The following AKAP8 variants were observed in gnomAD, a reference collection of about 807,000 sequenced individuals.
The protein encoded by AKAP8 is A-kinase anchor protein 8.
AKAP8 carries 24 observed loss-of-function variants against 67.5 expected under a neutral mutation model. That is an observed-to-expected ratio of 0.36 (90% confidence interval 0.26 to 0.50). The LOEUF (loss-of-function observed/expected upper bound fraction) is 0.50, where lower values mean the gene tolerates loss of function less well. Among genes scored for constraint, AKAP8 ranks in the 20% least tolerant of loss-of-function variants. The pLI is 0.97. For missense variants in AKAP8, 971 were observed against 955.9 expected, an observed-to-expected ratio of 1.02 and a Z score of -0.21; for synonymous variants, 400 against 371.1, an observed-to-expected ratio of 1.08 and a Z score of -0.90.
intron 5 of AKAP8, 76 bp downstream of exon 5, chr19:15,372,775 A>G: frequency 1.4e-6 from 2 of 1,445,476 alleles, no homozygotes; most frequent in Non-Finnish European, 1.8e-6. Context: ...GAATGTTGAG[A>G]TGGGGAAATT....
intron 2 of AKAP8, among the ~76,000 whole-genome samples, chr19:15,375,157 C>A (rs1967230581): frequency 6.6e-6 from 1 of 152,222 alleles, no homozygotes; most frequent in Non-Finnish European, 1.5e-5. Flanking sequence ...TGAGTCAGAT[C>A]TCAGGCTCAG....
In AKAP8 at chr19:15,376,894, T is replaced by A. The variant is rs934616839; in HGVS notation, c.58+82A>T. 5.9e-6 allele frequency: 9 copies of A among 1,532,366 alleles called. No individual in the cohort carries two copies. The African/African-American group carries it at 1.1e-4, about 19-fold the overall frequency. 94.9% of individuals were successfully genotyped at this position (1,532,366 alleles called of 1,614,324 possible). A position where few individuals can be genotyped will look rare whatever the true frequency, so the allele number is the denominator to read the frequency against. ...CTGACCCCTGGGCTACTACTCTCCC[T>A]TGACCCAAGTTCAGCTCTGCCATGC... is the stretch of plus-strand genomic sequence containing the variant. On this transcript the variant is annotated intron_variant, in intron 2 of 13. Transcript: ENST00000269701.
chr19:15,366,530 C>CTTT (rs920471999), intron 9 of AKAP8, among the ~76,000 whole-genome samples: 1 of 142,502 alleles, frequency 7.0e-6, no homozygotes. Context: ...CAGTGATTTT[C>CTTT]TTTTTTTTTT....
At chr19:15,366,969 G>A (rs758058981) in intron 9 of AKAP8, among the ~76,000 whole-genome samples, 8 of 152,124 alleles carry the variant, frequency 5.3e-5, no homozygotes, top group South Asian at 4.1e-4. Flanking sequence ...GTGCAGTGGT[G>A]CAACCTTGGC....
chr19:15,363,390 G>A (rs1175464552), intron 9 of AKAP8, among the ~76,000 whole-genome samples: 19 of 136,202 alleles, frequency 1.4e-4, no homozygotes, highest in South Asian at 4.9e-4. Context: ...CAGCCGCCCC[G>A]TCCGGGAAGT....
chr19:15,365,456 G>A (rs1967053214), intron 9 of AKAP8, among the ~76,000 whole-genome samples: 1 of 152,174 alleles, frequency 6.6e-6, no homozygotes, highest in South Asian at 2.1e-4. Context: ...CTCCCTCCCT[G>A]GCTCTCTCCT....
intron 4 of AKAP8, among the ~76,000 whole-genome samples, 182 bp from the exon 5 acceptor site, chr19:15,373,522 C>A (rs1261583239): frequency 6.6e-6 from 1 of 152,130 alleles, no homozygotes; most frequent in African/African-American, 2.4e-5. Context: ...GAGCAGGGGA[C>A]AGAGCCCCTG....
At chr19:15,363,353 T>TGGGG (rs745575610) in intron 9 of AKAP8, among the ~76,000 whole-genome samples, 5 of 105,012 alleles carry the variant, frequency 4.8e-5, no homozygotes, top group Admixed American at 1.8e-4. Context: ...GGGAGGGAGG[T>TGGGG]GGGGGGGGGT....
At chr19:15,375,214 G>C (rs8105619) in intron 2 of AKAP8, among the ~76,000 whole-genome samples, 121,459 of 152,198 alleles carry the variant, frequency 0.8, 48,729 homozygotes, top group East Asian at 0.99. Context: ...TGGCAGAAAG[G>C]AGAAAGCCTC....
At chr19:15,359,432 T>C (rs1184761960) in intron 12 of AKAP8, among the ~76,000 whole-genome samples, 1 of 152,238 alleles carries the variant, frequency 6.6e-6, no homozygotes, top group African/African-American at 2.4e-5. Context: ...AACAAAAGTA[T>C]GAATATGCTG....
Position 15,379,278 on chromosome 19 carries a change from C to T in AKAP8, c.19+435G>A, listed in dbSNP as rs185932582. ...CCGCCCGCGGCCCCAGACCCAGCTC[C>T]CCGGGTCCGACCTCACAACCCCACG... On this transcript the variant is annotated intron_variant, in intron 1 of 13. Coordinates refer to ENST00000269701, the MANE Select transcript of AKAP8 (RefSeq NM_005858.4). 349 of 167,604 alleles carry T rather than the reference C, an allele frequency of 2.1e-3. 1 individual carries two copies. The highest frequency in any genetic ancestry group is 7.7e-3 in the African/African-American group (325 of 42,074). 10.4% of individuals were successfully genotyped at this position (167,604 alleles called of 1,614,324 possible).
chr19:15,373,652 C>G (rs922191537), intron 4 of AKAP8, 134 bp downstream of exon 4: 5 of 1,169,858 alleles, frequency 4.3e-6, no homozygotes, highest in South Asian at 1.6e-5. Context: ...TGACCCCCCA[C>G]GAGCCCAACT....
chr19:15,372,219 A>G lies in AKAP8; in HGVS notation c.990T>C (p.Asn330=). 6.2e-7 allele frequency: 1 copy of G among 1,613,914 alleles called. No individual in the cohort carries two copies. Among genetic ancestry groups the G allele is most frequent in the Non-Finnish European group, 8.5e-7 (1 of 1,179,956 alleles). ...GCCCACCTGGCCCCCAGGACATACC[A>G]TTTTCGGAGAAATCTCCTTCACTGT... is the stretch of plus-strand genomic sequence containing the variant. ...RVDSEGDFSE[N]DDAAGDFRSG... Residue 330 remains asparagine, a splice_region_variant and synonymous_variant, in exon 6 of 14, where the codon AAT becomes AAC. Coordinates refer to ENST00000269701, the MANE Select transcript of AKAP8 (RefSeq NM_005858.4).
intron 4 of AKAP8, 94 bp from the exon 5 acceptor site, chr19:15,373,434 A>G: frequency 2.1e-6 from 3 of 1,461,416 alleles, no homozygotes; most frequent in Non-Finnish European, 2.7e-6. Context: ...CATTCAAAAC[A>G]GCAAACCAAA....
chr19:15,355,149 G>A lies in AKAP8; in HGVS notation c.1845C>T (p.Ala615=), dbSNP rs116901926. 1,949 of 1,613,050 alleles carry A rather than the reference G, an allele frequency of 1.2e-3. 21 individuals carry two copies. In the East Asian group the frequency reaches 0.019, roughly 16 times the overall value. ...GCTGTTCGGCTTGAGGATCACTACC[G>A]GCCTCCGCTGTGTCCGTGGGGCCTT... ...EDEGPTDTAE[A]GSDPQAEQLL... is the part of the protein sequence containing the mutation. The change falls in exon 14 of 14, where the codon GCC becomes GCT. Residue 615 remains alanine (A), a synonymous_variant. Transcript: ENST00000269701.
At chr19:15,367,276 T>A (rs562840458) in intron 9 of AKAP8, among the ~76,000 whole-genome samples, 2 of 152,280 alleles carry the variant, frequency 1.3e-5, no homozygotes, top group East Asian at 3.9e-4. Flanking sequence ...ACGCTTGTAA[T>A]ACCAGCACTT....
At chr19:15,363,353 T>TAG (rs1555754418) in intron 9 of AKAP8, among the ~76,000 whole-genome samples, 2 of 105,012 alleles carry the variant, frequency 1.9e-5, no homozygotes, top group Admixed American at 8.9e-5. Context: ...GGGAGGGAGG[T>TAG]GGGGGGGGGT....
At chr19:15,355,759 C>T (rs981375679) in intron 13 of AKAP8, among the ~76,000 whole-genome samples, 1 of 149,826 alleles carries the variant, frequency 6.7e-6, no homozygotes, top group Non-Finnish European at 1.5e-5. Flanking sequence ...TTTTTTGAGA[C>T]GGAGTTTTGC....
chr19:15,367,828 A>C (rs1344940564), intron 9 of AKAP8, among the ~76,000 whole-genome samples: 1 of 152,250 alleles, frequency 6.6e-6, no homozygotes, highest in African/African-American at 2.4e-5. Context: ...ACAGTGTCTG[A>C]GATGCCAGAC....
Sources: gnomAD v4.1 joint callset for allele counts (sites outside exome capture counted in the v4.1 genomes callset) on GRCh38, gnomAD v4.1.1 for gene constraint, MANE v1.5 for transcripts, NCBI Gene and HGNC (gene_info 2026-07-23, HGNC 2026-07-21) for gene names.